Variants in FSTL5 observed in about 807,000 individuals in gnomAD.
FSTL5 encodes follistatin like 5.
FSTL5 carries 62 observed loss-of-function variants against 89.1 expected under a neutral mutation model. The ratio of observed to expected loss-of-function variants is 0.70; its 90% confidence interval spans 0.57 to 0.86. FSTL5 has a LOEUF of 0.86. Among genes scored for constraint, FSTL5 ranks in the 40% least tolerant of loss-of-function variants. FSTL5 has a pLI of 0.00. For missense variants in FSTL5, 1,057 were observed against 1,001.6 expected (o/e 1.06, Z -0.75); for synonymous variants, 383 against 346.2 (o/e 1.11, Z -1.18).
chr4:161,855,915 A>G (rs1731706880), intron 4 of FSTL5, among the ~76,000 whole-genome samples: 1 of 152,142 alleles, frequency 6.6e-6, no homozygotes, highest in Non-Finnish European at 1.5e-5. Context: ...ATCACTAAAG[A>G]AACATCATCT....
At chr4:161,863,899 C>T (rs1731996670) in intron 4 of FSTL5, among the ~76,000 whole-genome samples, 1 of 152,108 alleles carries the variant, frequency 6.6e-6, no homozygotes, top group Admixed American at 6.5e-5. Context: ...AAATTTAGAG[C>T]CATGTCTTCC....
intron 2 of FSTL5, among the ~76,000 whole-genome samples, chr4:162,090,480 T>G (rs1398686640): frequency 6.6e-6 from 1 of 151,952 alleles, no homozygotes; most frequent in African/African-American, 2.4e-5. Flanking sequence ...AACAAGCATG[T>G]GAAATAAAAG....
At chr4:161,567,505 C>T (rs1474966657) in intron 8 of FSTL5, among the ~76,000 whole-genome samples, 1 of 152,008 alleles carries the variant, frequency 6.6e-6, no homozygotes, top group Non-Finnish European at 1.5e-5. Context: ...ACCTCATGAG[C>T]ATTTTGTAAC....
intron 2 of FSTL5, among the ~76,000 whole-genome samples, chr4:162,036,278 C>T (rs1478868686): frequency 6.6e-6 from 1 of 152,080 alleles, no homozygotes; most frequent in African/African-American, 2.4e-5. Context: ...GAATTTCTGA[C>T]CTTCCCTTAC....
chr4:161,854,526 A>C (rs1320238177), intron 4 of FSTL5, among the ~76,000 whole-genome samples: 1 of 152,204 alleles, frequency 6.6e-6, no homozygotes, highest in Admixed American at 6.5e-5. Context: ...GCGTTATTAC[A>C]TACTGTGTGA....
At chr4:161,683,324 A>G (rs1027409155) in intron 6 of FSTL5, among the ~76,000 whole-genome samples, 1 of 152,090 alleles carries the variant, frequency 6.6e-6, no homozygotes, top group Non-Finnish European at 1.5e-5. Context: ...GCAGTCCATC[A>G]TTTACCAAAG....
chr4:161,921,950 T>A (rs1483805816), intron 3 of FSTL5, among the ~76,000 whole-genome samples: 1 of 152,064 alleles, frequency 6.6e-6, no homozygotes, highest in Non-Finnish European at 1.5e-5. Flanking sequence ...GACATAAATA[T>A]GTGAATGGAA....
At chr4:161,918,005 A>G (rs1733887417) in intron 4 of FSTL5, among the ~76,000 whole-genome samples, 1 of 152,170 alleles carries the variant, frequency 6.6e-6, no homozygotes, top group Non-Finnish European at 1.5e-5. Context: ...AAAAATCCCT[A>G]AATGAATATA....
chr4:161,521,397 T>C (rs1731014484), intron 10 of FSTL5, among the ~76,000 whole-genome samples: 1 of 152,142 alleles, frequency 6.6e-6, no homozygotes, highest in Admixed American at 6.5e-5. Context: ...CTGGTCATAA[T>C]GCTACCTGAT....
At chr4:161,955,650 G>A (rs1042341831) in intron 3 of FSTL5, among the ~76,000 whole-genome samples, 2 of 151,620 alleles carry the variant, frequency 1.3e-5, no homozygotes, top group African/African-American at 4.8e-5. Flanking sequence ...AAATGTAATA[G>A]TAGTATGATA....
At chr4:161,430,179 T>G (rs1485145523) in intron 15 of FSTL5, among the ~76,000 whole-genome samples, 1 of 151,358 alleles carries the variant, frequency 6.6e-6, no homozygotes, top group Non-Finnish European at 1.5e-5. Context: ...GACAGGCTAT[T>G]TGAAAATACA....
At chr4:162,155,883 G>T (rs2110748727) in intron 1 of FSTL5, among the ~76,000 whole-genome samples, 1 of 152,294 alleles carries the variant, frequency 6.6e-6, no homozygotes, top group East Asian at 1.9e-4. Flanking sequence ...GAACCAATTA[G>T]AAGAATCTTT....
intron 3 of FSTL5, among the ~76,000 whole-genome samples, chr4:161,992,881 T>C (rs1307332455): frequency 4.8e-3 from 41 of 8,548 alleles, no homozygotes; most frequent in African/African-American, 8.8e-3. Context: ...TATATATATA[T>C]ATATATATAT....
At chr4:161,488,567 G>C (rs1729758774) in intron 12 of FSTL5, among the ~76,000 whole-genome samples, 1 of 152,046 alleles carries the variant, frequency 6.6e-6, no homozygotes, top group Admixed American at 6.5e-5. Flanking sequence ...GTCCAAGGGT[G>C]CACTTATATT....
intron 14 of FSTL5, among the ~76,000 whole-genome samples, chr4:161,457,931 T>C (rs1368211977): frequency 6.6e-6 from 1 of 152,216 alleles, no homozygotes; most frequent in Non-Finnish European, 1.5e-5. Context: ...GCAATGTGAC[T>C]TGCTTCGATG....
rs1410640096 is a variant in FSTL5 at position 161,874,651 on chromosome 4, A to G, written c.409+45753T>C. On this transcript the variant is annotated intron_variant, in intron 4 of 15. Coordinates refer to ENST00000306100, the MANE Select transcript of FSTL5 (RefSeq NM_020116.5). ...CCATCTCTTTGTCTGTGCTACATTC[A>G]GGGTAGTACCTTGGGGTATACGTTT... Among the ~76,000 whole-genome samples, 12 of 149,600 alleles carry G rather than the reference A, an allele frequency of 8.0e-5. No homozygotes were observed. The South Asian group carries it at 1.3e-3, about 16-fold the overall frequency.
intron 1 of FSTL5, among the ~76,000 whole-genome samples, chr4:162,117,617 A>G (rs1178117846): frequency 1.3e-5 from 2 of 152,212 alleles, no homozygotes; most frequent in Non-Finnish European, 2.9e-5. Context: ...AAATAAGAAT[A>G]CTGAAATGGT....
chr4:161,719,748 C>T (rs1739125554), intron 6 of FSTL5, among the ~76,000 whole-genome samples: 1 of 151,986 alleles, frequency 6.6e-6, no homozygotes, highest in African/African-American at 2.4e-5. Flanking sequence ...TTCTTAATTT[C>T]CCTTTCACAT....
At chr4:161,547,747 T>G (rs1732054262) in intron 8 of FSTL5, among the ~76,000 whole-genome samples, 1 of 151,872 alleles carries the variant, frequency 6.6e-6, no homozygotes, top group Non-Finnish European at 1.5e-5. Flanking sequence ...AGAAAATATT[T>G]TCTTCAGTAT....
Sources: allele counts gnomAD v4.1 joint callset (sites outside exome capture counted in the v4.1 genomes callset), GRCh38; gene constraint gnomAD v4.1.1; transcripts MANE v1.5; gene names NCBI Gene and HGNC (gene_info 2026-07-23, HGNC 2026-07-21).